The following CA10 variants were observed in gnomAD, a reference collection of about 807,000 sequenced individuals.
The protein encoded by CA10 is carbonic anhydrase 10 (inactive), also known as carbonic anhydrase-related protein 10.
A neutral mutation model predicts 44.2 loss-of-function variants in CA10; 14 were observed. That is an observed-to-expected ratio of 0.32 (90% CI 0.21 to 0.50). The LOEUF (loss-of-function observed/expected upper bound fraction) is 0.50. Ranked by LOEUF, CA10 falls within the 20% of genes least tolerant of loss-of-function variation. CA10 has a pLI of 0.99. For missense variants in CA10, 350 were observed against 409.7 expected (o/e 0.85, Z 1.26); for synonymous variants, 159 against 141.6 (o/e 1.12, Z -0.87).
chr17:52,026,072 T>C (rs1288002573), intron 2 of CA10, among the ~76,000 whole-genome samples: 4 of 152,056 alleles, frequency 2.6e-5, no homozygotes, highest in Non-Finnish European at 4.4e-5. Context: ...GAATAACAGT[T>C]TTCCCCTAAT....
chr17:51,761,114 G>C (rs1950483714), intron 3 of CA10: 1 of 152,168 alleles, frequency 6.6e-6, no homozygotes, highest in Non-Finnish European at 1.5e-5. Flanking sequence ...GGAGTGGCCG[G>C]CTGGGCAGCT....
chr17:52,057,315 C>T (rs893303402), intron 2 of CA10, among the ~76,000 whole-genome samples: 2 of 152,056 alleles, frequency 1.3e-5, no homozygotes, highest in African/African-American at 4.8e-5. Context: ...ACCAACCCTT[C>T]CTCTTTTCCC....
chr17:51,922,960 G>T (rs1265768873), intron 3 of CA10, among the ~76,000 whole-genome samples: 1 of 152,004 alleles, frequency 6.6e-6, no homozygotes, highest in South Asian at 2.1e-4. Flanking sequence ...TCCTGGAAAG[G>T]ATATAATTGA....
intron 3 of CA10, among the ~76,000 whole-genome samples, chr17:51,899,320 T>C (rs1981210371): frequency 6.6e-6 from 1 of 152,132 alleles, no homozygotes. Context: ...ACAAAAGTCA[T>C]TCATTCAGGA....
intron 3 of CA10, among the ~76,000 whole-genome samples, chr17:51,905,162 A>T (rs1295066616): frequency 6.6e-6 from 1 of 152,118 alleles, no homozygotes; most frequent in Admixed American, 6.5e-5. Context: ...GAAATCAAAA[A>T]GTTTATCCAT....
chr17:51,808,201 G>C (rs1907207164), intron 3 of CA10, among the ~76,000 whole-genome samples: 1 of 151,974 alleles, frequency 6.6e-6, no homozygotes, highest in African/African-American at 2.4e-5. Flanking sequence ...ATTGAAGAAA[G>C]GTTTTAAAGT....
intron 2 of CA10, among the ~76,000 whole-genome samples, chr17:52,013,015 C>A (rs1300354560): frequency 6.6e-6 from 1 of 151,890 alleles, no homozygotes; most frequent in African/African-American, 2.4e-5. Context: ...TGTCATGTAA[C>A]AAATTTTAAC....
intron 3 of CA10, among the ~76,000 whole-genome samples, chr17:51,795,625 G>A (rs973873038): frequency 6.6e-6 from 1 of 152,178 alleles, no homozygotes. Flanking sequence ...GGTGCCTTTG[G>A]TGCAGGTCTG....
chr17:52,034,018 C>G (rs892387546), intron 2 of CA10, among the ~76,000 whole-genome samples: 2 of 152,026 alleles, frequency 1.3e-5, no homozygotes, highest in Non-Finnish European at 2.9e-5. Context: ...TGGTGGTTGA[C>G]AAAAATTCAG....
At chr17:51,675,695 GA>G (rs1914605173) in intron 4 of CA10, among the ~76,000 whole-genome samples, 1 of 150,968 alleles carries the variant, frequency 6.6e-6, no homozygotes. Flanking sequence ...CAGCCTGGGC[GA>G]AAGAGCAAGG....
At chr17:51,642,852 AG>A (rs1306388987) in intron 6 of CA10, among the ~76,000 whole-genome samples, 1 of 152,166 alleles carries the variant, frequency 6.6e-6, no homozygotes, top group East Asian at 1.9e-4. Context: ...CATGGTGGCC[AG>A]GCTCGTCTTG....
chr17:51,720,628 C>G (rs935460937), intron 4 of CA10, among the ~76,000 whole-genome samples: 1 of 152,122 alleles, frequency 6.6e-6, no homozygotes, highest in Non-Finnish European at 1.5e-5. Context: ...ATGGATGGAA[C>G]TGGAGGACAT....
chr17:51,808,949 C>A lies in CA10; in HGVS notation c.280-61131G>T, dbSNP rs565686376. Among the ~76,000 whole-genome samples the A allele has an allele frequency of 3.2e-4, 48 of 152,102 alleles. 2 individuals carry two copies. The South Asian group carries it at 9.5e-3, about 30-fold the overall frequency. On this transcript the variant is annotated intron_variant, in intron 3 of 8. Transcript: ENST00000451037. The stretch of plus-strand genomic sequence containing the variant: ...AAATTCATTTTCAATATCTTTAAGG[C>A]TTCCTTTCTAAATGTATTCTGTTTT...
At chr17:52,155,231 G>GA (rs1346666273) in intron 1 of CA10, among the ~76,000 whole-genome samples, 4 of 152,164 alleles carry the variant, frequency 2.6e-5, no homozygotes, top group Admixed American at 6.5e-5. Flanking sequence ...TAGTGGTCAG[G>GA]AAAATTCATT....
intron 2 of CA10, among the ~76,000 whole-genome samples, chr17:51,995,837 C>G (rs1022961451): frequency 6.6e-6 from 1 of 152,044 alleles, no homozygotes; most frequent in Non-Finnish European, 1.5e-5. Flanking sequence ...GCTTTTGTGT[C>G]TCCTCACATA....
chr17:51,814,179 G>A (rs1907479485), intron 3 of CA10, among the ~76,000 whole-genome samples: 1 of 152,124 alleles, frequency 6.6e-6, no homozygotes, highest in African/African-American at 2.4e-5. Flanking sequence ...ATTGAAGTAA[G>A]GTGGGCAAAA....
rs148106818 is a variant in CA10, at chr17:51,725,951, C to T, written c.465+21682G>A. ...GTGAAGTGTAATGAGAACACACTTA[C>T]ACATTCTGCCAGAGCCCCAAAGAGT... On this transcript the variant is annotated intron_variant, in intron 4 of 8. Coordinates refer to ENST00000451037, the MANE Select transcript of CA10 (RefSeq NM_020178.5). 2.0e-3 allele frequency among the ~76,000 whole-genome samples: 285 copies of T among 141,806 alleles called. 1 individual carries two copies. Among genetic ancestry groups the T allele is most frequent in the African/African-American group, 7.4e-3 (279 of 37,632 alleles). 93.0% of individuals were successfully genotyped at this position (141,806 alleles called of 152,430 possible).
intron 3 of CA10, among the ~76,000 whole-genome samples, chr17:51,802,288 T>C (rs181432004): frequency 6.6e-5 from 10 of 152,220 alleles, no homozygotes; most frequent in Non-Finnish European, 1.2e-4. Flanking sequence ...CCTGGTTCTG[T>C]TTTTCATCAC....
At chr17:51,708,817 G>T (rs1465206892) in intron 4 of CA10, among the ~76,000 whole-genome samples, 3 of 152,202 alleles carry the variant, frequency 2.0e-5, no homozygotes, top group Non-Finnish European at 4.4e-5. Flanking sequence ...CCCTTGAACG[G>T]CAGACTCCAA....
Sources: gnomAD v4.1 joint callset for allele counts (sites outside exome capture counted in the v4.1 genomes callset) on GRCh38, gnomAD v4.1.1 for gene constraint, MANE v1.5 for transcripts, NCBI Gene and HGNC (gene_info 2026-07-23, HGNC 2026-07-21) for gene names.